Variants in CSMD1 observed in about 807,000 individuals in gnomAD.
The protein encoded by CSMD1 is CUB and Sushi multiple domains 1.
A neutral mutation model predicts 417.5 loss-of-function variants in CSMD1; 213 were observed. That is an observed-to-expected ratio of 0.51 (90% CI 0.46 to 0.57). The LOEUF (loss-of-function observed/expected upper bound fraction) is 0.57, where lower values mean the gene tolerates loss of function less well. Among genes scored for constraint, CSMD1 ranks in the 20% least tolerant of loss-of-function variants. The pLI is 0.00. For synonymous variants in CSMD1, 2,862 were observed against 1,736.8 expected (o/e 1.65, Z -16.11); for missense variants, 6,923 against 4,529.7 (o/e 1.53, Z -15.17).
intron 5 of CSMD1, among the ~76,000 whole-genome samples, chr8:3,937,884 G>A (rs1002853072): frequency 6.6e-6 from 1 of 152,036 alleles, no homozygotes; most frequent in Non-Finnish European, 1.5e-5. Flanking sequence ...GCATACACAA[G>A]AAACTTTATG....
rs974961351 is a variant in CSMD1 at position 4,616,822 on chromosome 8, C to T, written c.302+20520G>A. On this transcript the variant is annotated intron_variant, in intron 2 of 69. Transcript: ENST00000635120. ...AGGAAAAAACTAAAGACAAGAAACT[C>T]ATTTTGGTCTTCTGGGCTTATTCAT... Among the ~76,000 whole-genome samples the T allele has an allele frequency of 2.6e-5, 4 of 152,242 alleles. No individual in the cohort carries two copies. In the East Asian group the frequency reaches 7.7e-4, roughly 29 times the overall value.
intron 47 of CSMD1, among the ~76,000 whole-genome samples, chr8:3,096,213 C>G (rs763523369): frequency 2.6e-5 from 4 of 152,142 alleles, no homozygotes; most frequent in Non-Finnish European, 5.9e-5. Flanking sequence ...TATTCCTAAG[C>G]ATTCTAACTG....
In CSMD1 at chr8:4,842,131, A is replaced by T. The variant is rs1225974874; in HGVS notation, c.85+152201T>A. Among the ~76,000 whole-genome samples the T allele has an allele frequency of 2.6e-5, 4 of 152,160 alleles. No individual in the cohort carries two copies. The East Asian group carries it at 7.7e-4, about 29-fold the overall frequency. ...GTAAAAAGGTGCAAGGCACCAGCCA[A>T]ACCGCCTTAGAACTTGCAGTATTAT... On this transcript the variant is annotated intron_variant, in intron 1 of 69. Coordinates refer to ENST00000635120, the MANE Select transcript of CSMD1 (RefSeq NM_033225.6).
At position 3,235,351 on chromosome 8, in the gene CSMD1, A is replaced by G. The variant is rs538321816; in HGVS notation, c.4154-5120T>C. On this transcript the variant is annotated intron_variant, in intron 26 of 69. Coordinates refer to ENST00000635120, the MANE Select transcript of CSMD1 (RefSeq NM_033225.6). ...GAAAAGATATATAATACTCACTACT[A>G]GGAAAGTTTTACACAAAGGTGCACA... is the stretch of plus-strand genomic sequence containing the variant. Among the ~76,000 whole-genome samples, 45 of 152,330 alleles carry G rather than the reference A, an allele frequency of 3.0e-4. No homozygotes were observed. In the South Asian group the frequency reaches 5.2e-3, roughly 18 times the overall value.
chr8:3,025,700 C>T (rs919203055), intron 51 of CSMD1, among the ~76,000 whole-genome samples: 1 of 152,126 alleles, frequency 6.6e-6, no homozygotes, highest in Non-Finnish European at 1.5e-5. Flanking sequence ...AATCCAGCCA[C>T]CCTGTATTAA....
At chr8:3,433,566 C>T (rs2117030007) in intron 12 of CSMD1, among the ~76,000 whole-genome samples, 1 of 152,250 alleles carries the variant, frequency 6.6e-6, no homozygotes, top group Non-Finnish European at 1.5e-5. Flanking sequence ...ATTATTTTCT[C>T]ATTAAAGCCA....
In CSMD1 at chr8:3,988,226, T is replaced by G. The variant is rs532032551; in HGVS notation, c.818+9677A>C. 3.4e-4 allele frequency among the ~76,000 whole-genome samples: 52 copies of G among 152,190 alleles called. 1 individual carries two copies. In the Middle Eastern group the frequency reaches 0.014, roughly 40 times the overall value. ...AGTCTGTGAATCCTAAATCTGAAAC[T>G]CAATATTGAACCTCGGCTTTCTGGA... On this transcript the variant is annotated intron_variant, in intron 5 of 69. Coordinates refer to ENST00000635120, the MANE Select transcript of CSMD1 (RefSeq NM_033225.6).
intron 1 of CSMD1, among the ~76,000 whole-genome samples, chr8:4,734,430 G>A (rs1379490440): frequency 6.6e-6 from 1 of 152,030 alleles, no homozygotes; most frequent in Non-Finnish European, 1.5e-5. Context: ...AAAAAAAAAG[G>A]TGAAAAGTTG....
At chr8:4,065,485 T>C (rs1289814650) in intron 3 of CSMD1, among the ~76,000 whole-genome samples, 2 of 152,198 alleles carry the variant, frequency 1.3e-5, no homozygotes, top group Non-Finnish European at 2.9e-5. Context: ...CATTAGCTAA[T>C]ACAAAGGTCA....
chr8:4,302,576 C>CTT (rs1798036513), intron 3 of CSMD1, among the ~76,000 whole-genome samples: 1 of 152,160 alleles, frequency 6.6e-6, no homozygotes, highest in African/African-American at 2.4e-5. Flanking sequence ...TCTCTCAACC[C>CTT]TATACGATAA....
intron 7 of CSMD1, among the ~76,000 whole-genome samples, chr8:3,670,156 G>C (rs1183374651): frequency 6.6e-6 from 1 of 152,028 alleles, no homozygotes; most frequent in East Asian, 1.9e-4. Context: ...ATTAATATTT[G>C]AGTCAATGGA....
chr8:3,196,925 G>T (rs1400340456), intron 33 of CSMD1, among the ~76,000 whole-genome samples: 3 of 152,130 alleles, frequency 2.0e-5, no homozygotes, highest in Non-Finnish European at 4.4e-5. Flanking sequence ...CATGCTGAAG[G>T]GTTATCCCTT....
At chr8:4,077,686 T>G (rs1230229323) in intron 3 of CSMD1, among the ~76,000 whole-genome samples, 1 of 152,196 alleles carries the variant, frequency 6.6e-6, no homozygotes, top group Admixed American at 6.5e-5. Flanking sequence ...ATTTGTTTCC[T>G]AAGACAGAGT....
At chr8:4,551,343 T>C (rs1302066996) in intron 2 of CSMD1, among the ~76,000 whole-genome samples, 2 of 152,178 alleles carry the variant, frequency 1.3e-5, no homozygotes, top group Non-Finnish European at 2.9e-5. Context: ...TGAGTGCCTT[T>C]GGTGTGCTGT....
intron 1 of CSMD1, among the ~76,000 whole-genome samples, chr8:4,899,091 T>C (rs1171882051): frequency 1.3e-5 from 2 of 152,240 alleles, no homozygotes; most frequent in African/African-American, 2.4e-5. Context: ...TTAAGTGTGA[T>C]CTGTTACATA....
chr8:3,472,119 G>A (rs1321133999), intron 11 of CSMD1, among the ~76,000 whole-genome samples: 3 of 151,990 alleles, frequency 2.0e-5, no homozygotes, highest in African/African-American at 4.8e-5. Context: ...GCTCCCTGTG[G>A]GCAATCTGAT....
chr8:3,942,289 T>C (rs1810936361), intron 5 of CSMD1, among the ~76,000 whole-genome samples: 1 of 152,164 alleles, frequency 6.6e-6, no homozygotes, highest in African/African-American at 2.4e-5. Flanking sequence ...TGAATCATCC[T>C]GAAACCAATC....
intron 26 of CSMD1, among the ~76,000 whole-genome samples, chr8:3,249,504 A>G (rs1340878467): frequency 1.3e-5 from 2 of 152,192 alleles, no homozygotes; most frequent in Non-Finnish European, 2.9e-5. Flanking sequence ...GATTACAGAC[A>G]TGAGCCATGG....
intron 1 of CSMD1, among the ~76,000 whole-genome samples, chr8:4,900,787 G>A (rs1048457742): frequency 1.3e-5 from 2 of 152,146 alleles, no homozygotes; most frequent in Non-Finnish European, 2.9e-5. Flanking sequence ...AGAATTCACT[G>A]ACTTTTCTAT....
Sources: gnomAD v4.1 joint callset for allele counts (sites outside exome capture counted in the v4.1 genomes callset) on GRCh38, gnomAD v4.1.1 for gene constraint, MANE v1.5 for transcripts, NCBI Gene and HGNC (gene_info 2026-07-23, HGNC 2026-07-21) for gene names.